The following SHANK1 variants were observed in gnomAD, a reference collection of about 807,000 sequenced individuals.
SHANK1 encodes SH3 and multiple ankyrin repeat domains protein 1.
In SHANK1, 35 loss-of-function variants were observed where a neutral mutation model predicts 165.6. The ratio of observed to expected loss-of-function variants is 0.21; its 90% confidence interval spans 0.16 to 0.28. The LOEUF is 0.28. SHANK1 is among the 10% of genes least tolerant of loss of function. The pLI, the probability that SHANK1 is intolerant of heterozygous loss-of-function variation, is 1.00. For missense variants in SHANK1, 2,681 were observed against 3,036.4 expected (o/e 0.88, Z 2.75); for synonymous variants, 1,428 against 1,384.8 (o/e 1.03, Z -0.69).
chr19:50,699,216 G>A (rs1043860905), intron 12 of SHANK1, among the ~76,000 whole-genome samples: 3 of 152,218 alleles, frequency 2.0e-5, no homozygotes, highest in Admixed American at 2.0e-4. Context: ...CTGGCTTGGT[G>A]GTCTTGTAAT....
chr19:50,662,369 G>C lies in SHANK1; in HGVS notation c.6082C>G (p.Leu2028Val). Residue 2028 changes from leucine (L) to valine (V), a missense_variant, in exon 24 of 24, where the codon CTC becomes GTC. Coordinates refer to ENST00000293441, the MANE Select transcript of SHANK1 (RefSeq NM_016148.5). The surrounding 1 kb of genome is among the most constrained non-coding windows in gnomAD (Gnocchi z 7.7). Reference sequence around the variant, plus strand: ...CGGATGTCAAAGAGGCCTGGGTAGAGGGGTCCGGAAGGCAGGATGGGCAGG... The same window carrying C: ...CGGATGTCAAAGAGGCCTGGGTAGACGGGTCCGGAAGGCAGGATGGGCAGG... Reference protein sequence around the residue: ...SSLPILPSGPLYPGLFDIRGS... With the variant: ...SSLPILPSGPVYPGLFDIRGS... 6.3e-7 allele frequency: 1 copy of C among 1,588,524 alleles called. No individual in the cohort carries two copies. Among genetic ancestry groups the C allele is most frequent in the Non-Finnish European group, 8.6e-7 (1 of 1,165,688 alleles).
rs951352472 is a variant in SHANK1 at position 50,713,773 on chromosome 19, G to A, written c.792+25C>T. The A allele has an allele frequency of 8.1e-6, 13 of 1,610,384 alleles. No homozygotes were observed. The highest frequency in any genetic ancestry group is 2.0e-4 in the Middle Eastern group (1 of 5,044). On this transcript the variant is annotated intron_variant, in intron 6 of 23. Transcript: ENST00000293441. This position sits in a 1 kb window ranked among gnomAD's most constrained non-coding sequence, Gnocchi z 6.2. ...AAAAGGAGAGAGGGCCCCATGGCGG[G>A]GATGGGGGGTCCCCGAAGCCTCACC...
At chr19:50,679,936 GGAGACA>G (rs1986121323) in intron 21 of SHANK1, among the ~76,000 whole-genome samples, 1 of 151,350 alleles carries the variant, frequency 6.6e-6, no homozygotes, top group African/African-American at 2.4e-5. Flanking sequence ...GCAGAGATAG[GGAGACA>G]GAGATAGAGA....
rs1985608490 is a variant in SHANK1 at position 50,667,884 on chromosome 19, G to A, written c.4076C>T (p.Ala1359Val). 7.6e-7 allele frequency: 1 copy of A among 1,318,044 alleles called. No individual in the cohort carries two copies. Among genetic ancestry groups the A allele is most frequent in the Non-Finnish European group, 9.6e-7 (1 of 1,037,700 alleles). 81.6% of individuals were successfully genotyped at this position (1,318,044 alleles called of 1,614,324 possible). Residue 1359 changes from alanine (A) to valine (V), a missense_variant, in exon 23 of 24, where the codon GCC becomes GTC. Transcript: ENST00000293441. The surrounding 1 kb of genome is among the most constrained non-coding windows in gnomAD (Gnocchi z 5.7). ...GGACTCCTTCAGCGCTCGCTCGCGG[G>A]CGGCCAGGGCCAGCCCCAGCGGGGA... ...PASPLGLALAARERALKESSE... is the reference protein window; with the variant it reads ...PASPLGLALAVRERALKESSE...
In SHANK1 at chr19:50,662,407, G is replaced by C; in HGVS notation, c.6044C>G (p.Pro2015Arg). The C allele has an allele frequency of 6.4e-7, 1 of 1,564,788 alleles. No individual in the cohort carries two copies. Among genetic ancestry groups the C allele is most frequent in the African/African-American group, 1.4e-5 (1 of 73,990 alleles). The change falls in exon 24 of 24, where the codon CCC becomes CGC. Residue 2015 changes from proline (P) to arginine (R), a missense_variant. Pro to Arg is a moderately radical substitution (Grantham distance 103). Transcript: ENST00000293441. This position sits in a 1 kb window ranked among gnomAD's most constrained non-coding sequence, Gnocchi z 7.7. ...PASEHKVSPA[P>R]RPSSLPILPS... ...CAGGATGGGCAGGGACGAGGGCCTGGGCGCAGGGCTGACCTTGTGCTCCGA... is the reference window on the plus strand; with the variant it reads ...CAGGATGGGCAGGGACGAGGGCCTGCGCGCAGGGCTGACCTTGTGCTCCGA...
intron 21 of SHANK1, among the ~76,000 whole-genome samples, chr19:50,682,308 C>T (rs1986205489): frequency 6.6e-6 from 1 of 152,154 alleles, no homozygotes; most frequent in South Asian, 2.1e-4. Flanking sequence ...CCTGCCTTGG[C>T]CTCCCAAAGT....
Position 50,668,515 on chromosome 19 carries a change from C to T in SHANK1, c.3445G>A (p.Glu1149Lys). Residue 1149 changes from glutamate to lysine, a missense_variant, in exon 23 of 24, where the codon GAG becomes AAG. By Grantham distance (56) the Glu-to-Lys change is moderately conservative. This residue lies in a region of SHANK1 where 1,713 missense variants were observed against 1,630.2 expected (regional missense o/e 1.05). Transcript: ENST00000293441. Reference protein sequence around the residue: ...QPPPAVAAPSEKNSIPIPTII... With the variant: ...QPPPAVAAPSKKNSIPIPTII... Reference sequence around the variant, plus strand: ...GTGGGGATGGGGATGGAGTTCTTCTCCGAGGGCGCGGCCACGGCGGGCGGC... The same window carrying T: ...GTGGGGATGGGGATGGAGTTCTTCTTCGAGGGCGCGGCCACGGCGGGCGGC... The T allele has an allele frequency of 7.4e-7, 1 of 1,348,758 alleles. No individual in the cohort carries two copies. Among genetic ancestry groups the T allele is most frequent in the Admixed American group, 3.1e-5 (1 of 32,414 alleles). 83.5% of individuals were successfully genotyped at this position (1,348,758 alleles called of 1,614,324 possible).
chr19:50,718,674 G>A lies in SHANK1; in HGVS notation c.-44+732C>T, dbSNP rs994543186. On this transcript the variant is annotated intron_variant, in intron 1 of 23. Transcript: ENST00000293441. This position sits in a 1 kb window ranked among gnomAD's most constrained non-coding sequence, Gnocchi z 5.1. Reference sequence around the variant, plus strand: ...AGGGGGTGCCCTGGGAGGCTGTGGGGGGACAGGGGGCGGCTGGCGTGGCCG... The same window carrying A: ...AGGGGGTGCCCTGGGAGGCTGTGGGAGGACAGGGGGCGGCTGGCGTGGCCG... 6.6e-6 allele frequency among the ~76,000 whole-genome samples: 1 copy of A among 151,886 alleles called. No individual in the cohort carries two copies. Among genetic ancestry groups the A allele is most frequent in the African/African-American group, 2.4e-5 (1 of 41,356 alleles).
chr19:50,687,367 C>A (rs963357081), intron 19 of SHANK1, among the ~76,000 whole-genome samples: 1 of 152,000 alleles, frequency 6.6e-6, no homozygotes, highest in Non-Finnish European at 1.5e-5. Flanking sequence ...GAGACCCCAA[C>A]GGAGAAACAG....
chr19:50,699,445 G>A (rs1354036582), intron 12 of SHANK1, among the ~76,000 whole-genome samples: 2 of 152,304 alleles, frequency 1.3e-5, no homozygotes, highest in Admixed American at 1.3e-4. Flanking sequence ...CCAGATGGGA[G>A]TATATAACTT....
In SHANK1 at chr19:50,713,704, T is replaced by C; in HGVS notation, c.792+94A>G. On this transcript the variant is annotated intron_variant, in intron 6 of 23. Coordinates refer to ENST00000293441, the MANE Select transcript of SHANK1 (RefSeq NM_016148.5). This position sits in a 1 kb window ranked among gnomAD's most constrained non-coding sequence, Gnocchi z 6.2. The stretch of plus-strand genomic sequence containing the variant: ...AACTGGGGACATGAGAGGGCCTATT[T>C]TTAACTGAAACCAAAGAACTGAGGT... 6.6e-7 allele frequency: 1 copy of C among 1,526,568 alleles called. No individual in the cohort carries two copies. The highest frequency in any genetic ancestry group is 1.4e-5 in the African/African-American group (1 of 73,042). 94.6% of individuals were successfully genotyped at this position (1,526,568 alleles called of 1,614,324 possible).
At chr19:50,683,742 G>A (rs1986247295) in intron 21 of SHANK1, among the ~76,000 whole-genome samples, 1 of 152,060 alleles carries the variant, frequency 6.6e-6, no homozygotes, top group African/African-American at 2.4e-5. Flanking sequence ...CCACACATAG[G>A]GCTACTCAAG....
chr19:50,669,004 T>A lies in SHANK1; in HGVS notation c.2956A>T (p.Ser986Cys). The change falls in exon 23 of 24, where the codon AGC (serine) becomes TGC (cysteine). Residue 986 changes from serine (S) to cysteine (C), a missense_variant. By Grantham distance (112) the Ser-to-Cys change is moderately radical. Transcript: ENST00000293441. ...GGCAGGGGCCCACTGTGGTACAGGC[T>A]CTTCTCGCGGCTCCCCACGCGAGTG... ...PDTRVGSREK[S>C]LYHSGPLPPA... is the part of the protein sequence containing the mutation. 2 of 813,664 alleles carry A rather than the reference T, an allele frequency of 2.5e-6. No homozygotes were observed. Among genetic ancestry groups the A allele is most frequent in the South Asian group, 1.8e-5 (1 of 55,088 alleles). The allele number at this position is 813,664 out of a possible 1,614,324, so 50.4% of individuals were successfully genotyped here. A position where few individuals can be genotyped will look rare whatever the true frequency, so the allele number is the denominator to read the frequency against.
At position 50,688,156 on chromosome 19, in the gene SHANK1, TC is replaced by T; in HGVS notation, c.2173-99del. 7.0e-7 allele frequency: 1 copy of T among 1,418,616 alleles called. No individual in the cohort carries two copies. 87.9% of individuals were successfully genotyped at this position (1,418,616 alleles called of 1,614,324 possible). On this transcript the variant is annotated intron_variant, in intron 17 of 23. Coordinates refer to ENST00000293441, the MANE Select transcript of SHANK1 (RefSeq NM_016148.5). This position sits in a 1 kb window ranked among gnomAD's most constrained non-coding sequence, Gnocchi z 6.7. ...GGAGGATGCCTCCTGCGCTGCCCTG[TC>T]CATGGCCCTCTGGGCTATGTTCCTC... is the stretch of plus-strand genomic sequence containing the variant.
intron 23 of SHANK1, among the ~76,000 whole-genome samples, chr19:50,663,577 T>C (rs980130214): frequency 2.0e-5 from 3 of 152,136 alleles, no homozygotes; most frequent in Admixed American, 2.0e-4. Flanking sequence ...CCCACTCCTA[T>C]GTCCCTAGAC....
rs2089099319 is a variant in SHANK1 at position 50,718,847 on chromosome 19, G to A, written c.-44+559C>T. 6.7e-6 allele frequency among the ~76,000 whole-genome samples: 1 copy of A among 149,746 alleles called. No homozygotes were observed. The highest frequency in any genetic ancestry group is 1.5e-5 in the Non-Finnish European group (1 of 67,150). On this transcript the variant is annotated intron_variant, in intron 1 of 23. Transcript: ENST00000293441. The surrounding 1 kb of genome is among the most constrained non-coding windows in gnomAD (Gnocchi z 5.1). ...ACCGGGGAGCAGGAGTCGGGGGCGG[G>A]AGCCGAGGGGGCGCGCCGGCCGGCG...
At position 50,666,473 on chromosome 19, in the gene SHANK1, C is replaced by G. The variant is rs750759110; in HGVS notation, c.5487G>C (p.Thr1829=). The G allele has an allele frequency of 6.2e-6, 10 of 1,602,426 alleles. No individual in the cohort carries two copies. Among genetic ancestry groups the G allele is most frequent in the African/African-American group, 1.3e-5 (1 of 74,866 alleles). Residue 1829 remains threonine (T), a synonymous_variant, in exon 23 of 24, where the codon ACG becomes ACC. Coordinates refer to ENST00000293441, the MANE Select transcript of SHANK1 (RefSeq NM_016148.5). ...EPEVPPVPLP[T]ASSLPRKLLP... is the part of the protein sequence containing the mutation. ...GCAGCTTCCGGGGCAGAGAGGAGGC[C>G]GTCGGCAAGGGCACCGGTGGGACTT...
In SHANK1 at chr19:50,713,428, G is replaced by T. The variant is rs2089031937; in HGVS notation, c.792+370C>A. 1.3e-5 allele frequency among the ~76,000 whole-genome samples: 2 copies of T among 151,864 alleles called. No homozygotes were observed. Among genetic ancestry groups the T allele is most frequent in the South Asian group, 4.2e-4 (2 of 4,800 alleles). ...GGCTGTTTTCAGGGTGTGTGTGGAGGGGCTCTATCTGGGGGCATAGCAGGG... is the reference window on the plus strand; with the variant it reads ...GGCTGTTTTCAGGGTGTGTGTGGAGTGGCTCTATCTGGGGGCATAGCAGGG... On this transcript the variant is annotated intron_variant, in intron 6 of 23. Transcript: ENST00000293441. This position sits in a 1 kb window ranked among gnomAD's most constrained non-coding sequence, Gnocchi z 6.2.
In SHANK1 at chr19:50,662,267, A is replaced by T. The variant is rs774885319; in HGVS notation, c.6184T>A (p.Ser2062Thr). The change falls in exon 24 of 24, where the codon TCC (serine) becomes ACC (threonine). Residue 2062 changes from serine (S) to threonine (T), a missense_variant. By Grantham distance (58) the Ser-to-Thr change is moderately conservative. Around this residue, in one of 10 missense-constraint regions of SHANK1, gnomAD observed 1,713 missense variants for 1,630.2 expected, o/e 1.05. Coordinates refer to ENST00000293441, the MANE Select transcript of SHANK1 (RefSeq NM_016148.5). The surrounding 1 kb of genome is among the most constrained non-coding windows in gnomAD (Gnocchi z 7.7). ...PVFVPPHPGISGGLGGALSGA... is the reference protein window; with the variant it reads ...PVFVPPHPGITGGLGGALSGA... The stretch of plus-strand genomic sequence containing the variant: ...GACAAGGCTCCCCCGAGCCCCCCGG[A>T]TATCCCCGGGTGTGGCGGCACAAAG... The T allele has an allele frequency of 1.2e-6, 2 of 1,611,374 alleles. No individual in the cohort carries two copies. The highest frequency in any genetic ancestry group is 1.1e-5 in the South Asian group (1 of 90,920).
Sources: allele counts gnomAD v4.1 joint callset (sites outside exome capture counted in the v4.1 genomes callset), GRCh38; gene constraint gnomAD v4.1.1; regional missense constraint gnomAD v4.1.1; non-coding constraint Gnocchi (gnomAD v3.1); transcripts MANE v1.5; gene names NCBI Gene and HGNC (gene_info 2026-07-23, HGNC 2026-07-21).